CADM2: variants seen among roughly 807,000 people sequenced by gnomAD.
CADM2 encodes the protein cell adhesion molecule 2.
In CADM2, 12 loss-of-function variants were observed where a neutral mutation model predicts 49.8. The observed-to-expected ratio is 0.24, with a 90% CI of 0.15 to 0.39. CADM2 has a LOEUF of 0.39. CADM2 is among the 10% of genes least tolerant of loss of function. The pLI is 1.00. For synonymous variants in CADM2, 214 were observed against 175.4 expected (o/e 1.22, Z -1.74); for missense variants, 378 against 492.3 (o/e 0.77, Z 2.20).
At chr3:85,070,741 A>G (rs1397147177) in intron 1 of CADM2, among the ~76,000 whole-genome samples, 1 of 152,032 alleles carries the variant, frequency 6.6e-6, no homozygotes, top group Non-Finnish European at 1.5e-5. Context: ...GCCTGTAATT[A>G]CAGCACTTTG....
intron 1 of CADM2, among the ~76,000 whole-genome samples, chr3:85,548,974 T>C (rs2061733638): frequency 6.6e-6 from 1 of 152,192 alleles, no homozygotes; most frequent in Non-Finnish European, 1.5e-5. Flanking sequence ...TGCTTAAGTT[T>C]GCAAAATGTG....
At chr3:86,036,776 T>A (rs1735221209) in intron 8 of CADM2, among the ~76,000 whole-genome samples, 1 of 152,198 alleles carries the variant, frequency 6.6e-6, no homozygotes, top group South Asian at 2.1e-4. Context: ...AGAAGTCACT[T>A]TATGTGATAT....
chr3:85,043,585 C>T (rs1196549642), intron 1 of CADM2, among the ~76,000 whole-genome samples: 1 of 151,978 alleles, frequency 6.6e-6, no homozygotes, highest in African/African-American at 2.4e-5. Context: ...AGGCTGAGTT[C>T]AGAGGATCTC....
chr3:84,997,066 G>A (rs1458919543), intron 1 of CADM2, among the ~76,000 whole-genome samples: 1 of 152,088 alleles, frequency 6.6e-6, no homozygotes, highest in Non-Finnish European at 1.5e-5. Context: ...TAGCAGAACT[G>A]TGTCCTGGAA....
chr3:85,451,274 G>A (rs1576580153), intron 1 of CADM2, among the ~76,000 whole-genome samples: 1 of 152,162 alleles, frequency 6.6e-6, no homozygotes, highest in South Asian at 2.1e-4. Context: ...TTTAAGAATT[G>A]TTTTTAATTT....
intron 1 of CADM2, among the ~76,000 whole-genome samples, chr3:85,519,150 A>T (rs965639892): frequency 4.6e-5 from 7 of 152,074 alleles, no homozygotes; most frequent in African/African-American, 1.7e-4. Flanking sequence ...CATTACTTTC[A>T]TCTCTAATTC....
At chr3:85,881,378 C>A (rs562100468) in intron 3 of CADM2, among the ~76,000 whole-genome samples, 1 of 152,136 alleles carries the variant, frequency 6.6e-6, no homozygotes, top group African/African-American at 2.4e-5. Context: ...TTTGATTCAT[C>A]TCAGTATAGG....
rs564544183 is a variant in CADM2, at chr3:85,724,734, T to C, written c.62-1788T>C. Among the ~76,000 whole-genome samples, 5 of 151,976 alleles carry C rather than the reference T, an allele frequency of 3.3e-5. No homozygotes were observed. In the East Asian group the frequency reaches 9.7e-4, roughly 29 times the overall value. On this transcript the variant is annotated intron_variant, in intron 1 of 9. Coordinates refer to ENST00000383699, the MANE Select transcript of CADM2 (RefSeq NM_001167675.2). ...AATTTTATTTTTTATCGTTAAGAAA[T>C]TGCTGGCATTGATTATCTCAGTTGC...
intron 1 of CADM2, among the ~76,000 whole-genome samples, chr3:85,668,206 C>A (rs1439727415): frequency 7.2e-6 from 1 of 139,640 alleles, no homozygotes; most frequent in African/African-American, 2.7e-5. Flanking sequence ...ATAGCAAAAT[C>A]AGAAAATGAC....
intron 1 of CADM2, among the ~76,000 whole-genome samples, chr3:85,496,288 A>T (rs527918709): frequency 5.9e-5 from 9 of 152,190 alleles, no homozygotes; most frequent in Non-Finnish European, 1.2e-4. Context: ...TATAAGTAAG[A>T]ACATGTGTTG....
chr3:85,412,640 C>T (rs890919455), intron 1 of CADM2, among the ~76,000 whole-genome samples: 2 of 151,514 alleles, frequency 1.3e-5, no homozygotes, highest in African/African-American at 2.4e-5. Flanking sequence ...AAGTGGAGCG[C>T]TAATAAAGAT....
intron 1 of CADM2, among the ~76,000 whole-genome samples, chr3:85,086,841 C>T (rs1452767703): frequency 2.0e-5 from 3 of 152,028 alleles, no homozygotes; most frequent in African/African-American, 4.8e-5. Flanking sequence ...TTTTATTTAT[C>T]GCAGCATGTC....
At chr3:85,971,650 A>G (rs1007141479) in intron 8 of CADM2, among the ~76,000 whole-genome samples, 2 of 151,720 alleles carry the variant, frequency 1.3e-5, no homozygotes, top group African/African-American at 2.4e-5. Flanking sequence ...TTAAGGAAAG[A>G]GTAGGAAAGG....
chr3:85,379,421 G>C (rs182876992), intron 1 of CADM2, among the ~76,000 whole-genome samples: 1 of 151,928 alleles, frequency 6.6e-6, no homozygotes, highest in African/African-American at 2.4e-5. Context: ...TGAAAGTAAA[G>C]GTCAGGTGTT....
chr3:85,035,792 T>C lies in CADM2; in HGVS notation c.61+76124T>C, dbSNP rs929304588. On this transcript the variant is annotated intron_variant, in intron 1 of 9. Coordinates refer to ENST00000383699, the MANE Select transcript of CADM2 (RefSeq NM_001167675.2). ...GTTCCATTGGTCTATGTGTCTGTTTTTATGCCAGTATTTGATCATTACTTT... is the reference window on the plus strand; with the variant it reads ...GTTCCATTGGTCTATGTGTCTGTTTCTATGCCAGTATTTGATCATTACTTT... Among the ~76,000 whole-genome samples, 3 of 152,226 alleles carry C rather than the reference T, an allele frequency of 2.0e-5. No homozygotes were observed. The South Asian group carries it at 6.2e-4, about 31-fold the overall frequency.
At chr3:86,057,772 A>G (rs2107369091) in intron 8 of CADM2, among the ~76,000 whole-genome samples, 1 of 152,294 alleles carries the variant, frequency 6.6e-6, no homozygotes, top group South Asian at 2.1e-4. Flanking sequence ...TTACAGGATG[A>G]AGAAGCATAA....
At chr3:85,757,621 A>G (rs1216428522) in intron 2 of CADM2, among the ~76,000 whole-genome samples, 1 of 152,190 alleles carries the variant, frequency 6.6e-6, no homozygotes, top group Non-Finnish European at 1.5e-5. Context: ...GTTGAGCCAG[A>G]TACTGAAGGG....
At chr3:85,697,421 A>G (rs1029889498) in intron 1 of CADM2, among the ~76,000 whole-genome samples, 1 of 152,152 alleles carries the variant, frequency 6.6e-6, no homozygotes, top group Non-Finnish European at 1.5e-5. Flanking sequence ...TATTGTCAAA[A>G]TAATCCAATC....
chr3:85,400,518 G>A (rs2035046808), intron 1 of CADM2, among the ~76,000 whole-genome samples: 1 of 152,144 alleles, frequency 6.6e-6, no homozygotes, highest in South Asian at 2.1e-4. Context: ...AGTTTCAGAA[G>A]GAATGGTACC....
Sources: allele counts gnomAD v4.1 joint callset (sites outside exome capture counted in the v4.1 genomes callset), GRCh38; gene constraint gnomAD v4.1.1; transcripts MANE v1.5; gene names NCBI Gene and HGNC (gene_info 2026-07-23, HGNC 2026-07-21).